The following SEMA6D variants were observed in gnomAD, a reference collection of about 807,000 sequenced individuals.
SEMA6D encodes the protein semaphorin 6D.
Under a neutral mutation model 106.6 loss-of-function variants are expected in SEMA6D, and 35 were observed. The ratio of observed to expected loss-of-function variants is 0.33; its 90% CI spans 0.25 to 0.44. The LOEUF (loss-of-function observed/expected upper bound fraction) is 0.44. SEMA6D is among the 20% of genes least tolerant of loss of function. The pLI is 1.00. For synonymous variants in SEMA6D, 499 were observed against 487.7 expected (o/e 1.02, Z -0.31); for missense variants, 1,185 against 1,345.9 (o/e 0.88, Z 1.87).
chr15:47,355,719 G>T (rs1373546503), intron 1 of SEMA6D, among the ~76,000 whole-genome samples: 1 of 152,154 alleles, frequency 6.6e-6, no homozygotes, highest in Non-Finnish European at 1.5e-5. Flanking sequence ...CAATACACTT[G>T]ACTGCAGAGT....
chr15:47,585,958 G>A (rs1018954499), intron 3 of SEMA6D, among the ~76,000 whole-genome samples: 1 of 152,170 alleles, frequency 6.6e-6, no homozygotes, highest in Non-Finnish European at 1.5e-5. Context: ...TTTTAAAGGA[G>A]GGATGAGACT....
chr15:47,597,017 G>T (rs867377913), intron 3 of SEMA6D, among the ~76,000 whole-genome samples: 1 of 151,968 alleles, frequency 6.6e-6, no homozygotes, highest in African/African-American at 2.4e-5. Flanking sequence ...GAAAATATTT[G>T]CAAGCAATAC....
intron 3 of SEMA6D, among the ~76,000 whole-genome samples, chr15:47,556,326 C>G (rs921496892): frequency 6.6e-6 from 1 of 152,096 alleles, no homozygotes; most frequent in Non-Finnish European, 1.5e-5. Flanking sequence ...TAGTTGTAAT[C>G]ATAGCATGGA....
chr15:47,764,538 A>C (rs565627), intron 11 of SEMA6D, 100 bp from the exon 12 acceptor site: 551,135 of 1,510,108 alleles, frequency 0.36, 105,364 homozygotes, highest in East Asian at 0.66. Context: ...CTCCTTCCTC[A>C]CTTGACCTCT....
At chr15:47,575,574 C>A (rs767336292) in intron 3 of SEMA6D, among the ~76,000 whole-genome samples, 2 of 152,140 alleles carry the variant, frequency 1.3e-5, no homozygotes, top group Non-Finnish European at 2.9e-5. Flanking sequence ...AGAAAATTAG[C>A]TGGGCATGGT....
At position 47,422,176 on chromosome 15, in the gene SEMA6D, G is replaced by GCCTTCCTT. The variant is rs1345421540; in HGVS notation, c.-159+9707_-159+9708insTCCTTCCT. Among the ~76,000 whole-genome samples the GCCTTCCTT allele has an allele frequency of 2.2e-3, 168 of 74,756 alleles. 1 individual carries two copies. The highest frequency in any genetic ancestry group is 0.022 in the Admixed American group (132 of 6,076). The allele number at this position is 74,756 out of a possible 152,430, so 49.0% of individuals were successfully genotyped here. On this transcript the variant is annotated intron_variant, in intron 2 of 19. Transcript: ENST00000558014. ...ACTCTTATTTTTTGCCCGCCCGCCT[G>GCCTTCCTT]CCTGCCTTCCTTCCTTCCTTCCTTC...
intron 4 of SEMA6D, among the ~76,000 whole-genome samples, chr15:47,669,678 C>G (rs1374593943): frequency 6.6e-6 from 1 of 152,208 alleles, no homozygotes; most frequent in Non-Finnish European, 1.5e-5. Flanking sequence ...CTCTGTCAAT[C>G]TCCTTCTCCT....
intron 1 of SEMA6D, among the ~76,000 whole-genome samples, chr15:47,383,987 C>T (rs868047346): frequency 1.3e-5 from 2 of 152,306 alleles, no homozygotes; most frequent in Non-Finnish European, 2.9e-5. Flanking sequence ...TGTTTTTCCA[C>T]GATCTCATTT....
intron 3 of SEMA6D, among the ~76,000 whole-genome samples, chr15:47,545,287 G>C (rs1367573627): frequency 6.6e-6 from 1 of 152,084 alleles, no homozygotes; most frequent in African/African-American, 2.4e-5. Context: ...ATTAAAGTAG[G>C]CTGCTAAATT....
intron 17 of SEMA6D, 65 bp from the exon 18 acceptor site, chr15:47,768,516 C>G: frequency 7.4e-7 from 1 of 1,347,180 alleles, no homozygotes; most frequent in Non-Finnish European, 1.0e-6. Context: ...TTTAAAAATG[C>G]AACAGACCAA....
intron 1 of SEMA6D, among the ~76,000 whole-genome samples, chr15:47,727,929 T>C (rs1436015651): frequency 6.6e-6 from 1 of 152,164 alleles, no homozygotes; most frequent in African/African-American, 2.4e-5. Flanking sequence ...TTAGAGAGAG[T>C]GCTCAAGCCG....
chr15:47,277,609 A>ATTATTATTATTAT lies in SEMA6D; in HGVS notation c.-239+93196_-239+93197insATTATTATTTATT, dbSNP rs374326382. ...TATTATTATTATTATTATTATTATT[A>ATTATTATTATTAT]TTATTTATTATTATTATTATACTTT... On this transcript the variant is annotated intron_variant, in intron 1 of 19. Coordinates refer to the SEMA6D transcript ENST00000558014. Among the ~76,000 whole-genome samples the ATTATTATTATTAT allele has an allele frequency of 1.4e-3, 179 of 128,608 alleles. 1 individual carries two copies. The highest frequency in any genetic ancestry group is 4.7e-3 in the Middle Eastern group (1 of 212). 84.4% of individuals were successfully genotyped at this position (128,608 alleles called of 152,430 possible).
intron 1 of SEMA6D, among the ~76,000 whole-genome samples, chr15:47,348,154 A>AT (rs1386252682): frequency 6.6e-6 from 1 of 152,184 alleles, no homozygotes; most frequent in Non-Finnish European, 1.5e-5. Context: ...CTTACAGAGA[A>AT]TTTGTTAATT....
intron 1 of SEMA6D, among the ~76,000 whole-genome samples, chr15:47,347,981 C>G (rs1047333774): frequency 6.6e-6 from 1 of 152,104 alleles, no homozygotes; most frequent in Non-Finnish European, 1.5e-5. Flanking sequence ...CATACTGTTT[C>G]CTGGAAGTCT....
intron 4 of SEMA6D, among the ~76,000 whole-genome samples, chr15:47,687,870 T>A (rs2078502214): frequency 6.6e-6 from 1 of 152,086 alleles, no homozygotes; most frequent in African/African-American, 2.4e-5. Context: ...TGGTACTGTT[T>A]AGGGAGATGA....
intron 4 of SEMA6D, among the ~76,000 whole-genome samples, chr15:47,629,081 A>G (rs1169649977): frequency 6.6e-6 from 1 of 152,044 alleles, no homozygotes. Flanking sequence ...ATTCAGTGTC[A>G]TTGATCTATA....
At chr15:47,210,545 T>C (rs62017395) in intron 1 of SEMA6D, among the ~76,000 whole-genome samples, 1,845 of 151,428 alleles carry the variant, frequency 0.012, 43 homozygotes, top group Admixed American at 0.012. Context: ...GAGGCTGAGG[T>C]GGGCGGATCA....
chr15:47,334,505 C>T (rs1406070318), intron 1 of SEMA6D, among the ~76,000 whole-genome samples: 2 of 152,152 alleles, frequency 1.3e-5, no homozygotes, highest in Non-Finnish European at 2.9e-5. Context: ...AATTCAAGGA[C>T]ACCTGGCTAT....
chr15:47,411,525 T>A (rs928025786), intron 1 of SEMA6D, among the ~76,000 whole-genome samples: 3 of 152,184 alleles, frequency 2.0e-5, no homozygotes, highest in Non-Finnish European at 2.9e-5. Flanking sequence ...TATCTCCTCT[T>A]AGCATCAAAC....
Sources: allele counts gnomAD v4.1 joint callset (sites outside exome capture counted in the v4.1 genomes callset), GRCh38; gene constraint gnomAD v4.1.1; transcripts MANE v1.5; gene names NCBI Gene and HGNC (gene_info 2026-07-23, HGNC 2026-07-21).